TMEM108: variants seen among roughly 807,000 people sequenced by gnomAD.
TMEM108 encodes the protein transmembrane protein 108.
Under a neutral mutation model 35.1 loss-of-function variants are expected in TMEM108, and 12 were observed. The observed-to-expected ratio is 0.34, with a 90% CI of 0.22 to 0.55. The LOEUF is 0.55. Ranked by LOEUF, TMEM108 falls within the 20% of genes least tolerant of loss-of-function variation. TMEM108 has a pLI of 0.89. For missense variants in TMEM108, 680 were observed against 753.3 expected (o/e 0.90, Z 1.14); for synonymous variants, 287 against 308.6 (o/e 0.93, Z 0.73).
chr3:133,116,334 G>A (rs1052052258), intron 2 of TMEM108, among the ~76,000 whole-genome samples: 2 of 152,092 alleles, frequency 1.3e-5, no homozygotes, highest in Admixed American at 6.5e-5. Context: ...GCAAACTGAT[G>A]TCTTATACTT....
At chr3:133,195,458 G>A (rs1181896668) in intron 2 of TMEM108, among the ~76,000 whole-genome samples, 1 of 152,034 alleles carries the variant, frequency 6.6e-6, no homozygotes, top group Non-Finnish European at 1.5e-5. Flanking sequence ...CTTTATGTGG[G>A]TTTCCCTCTA....
chr3:133,355,596 A>T (rs1347710979), intron 3 of TMEM108, among the ~76,000 whole-genome samples: 1 of 152,228 alleles, frequency 6.6e-6, no homozygotes, highest in East Asian at 1.9e-4. Context: ...CATGGAACAA[A>T]TGTCATCATT....
intron 2 of TMEM108, among the ~76,000 whole-genome samples, chr3:133,187,581 C>T (rs975745362): frequency 7.2e-5 from 11 of 152,178 alleles, no homozygotes; most frequent in Non-Finnish European, 1.3e-4. Context: ...AAAACCCTGT[C>T]TCTACTAAAA....
chr3:133,235,079 AC>A (rs2107656246), intron 3 of TMEM108, among the ~76,000 whole-genome samples: 1 of 152,264 alleles, frequency 6.6e-6, no homozygotes, highest in African/African-American at 2.4e-5. Context: ...AGAACTACAA[AC>A]CACTGCTCAA....
At chr3:133,282,913 C>T (rs527434370) in intron 3 of TMEM108, among the ~76,000 whole-genome samples, 12 of 152,256 alleles carry the variant, frequency 7.9e-5, no homozygotes, top group African/African-American at 2.4e-4. Flanking sequence ...TAACATGGAA[C>T]GTTTTCCAAA....
intron 2 of TMEM108, among the ~76,000 whole-genome samples, chr3:133,220,697 A>T (rs891739868): frequency 2.0e-5 from 3 of 152,176 alleles, no homozygotes; most frequent in African/African-American, 7.2e-5. Flanking sequence ...TGAGTATCCT[A>T]TAATTCAATT....
chr3:133,194,213 G>A (rs1945543866), intron 2 of TMEM108, among the ~76,000 whole-genome samples: 1 of 152,116 alleles, frequency 6.6e-6, no homozygotes, highest in Admixed American at 6.5e-5. Flanking sequence ...GGGATTACAG[G>A]CATGATCCAC....
chr3:133,171,313 G>C (rs900697441), intron 2 of TMEM108, among the ~76,000 whole-genome samples: 1 of 152,170 alleles, frequency 6.6e-6, no homozygotes, highest in Non-Finnish European at 1.5e-5. Context: ...TTTATTGCTA[G>C]TATATAATTT....
At chr3:133,356,250 GA>G (rs1282741872) in intron 3 of TMEM108, among the ~76,000 whole-genome samples, 1 of 132,496 alleles carries the variant, frequency 7.5e-6, no homozygotes, top group Non-Finnish European at 1.7e-5. Flanking sequence ...AAAACCCTAG[GA>G]ATATACTTAA....
At chr3:133,306,157 G>A (rs1057431003) in intron 3 of TMEM108, among the ~76,000 whole-genome samples, 1 of 152,020 alleles carries the variant, frequency 6.6e-6, no homozygotes, top group African/African-American at 2.4e-5. Flanking sequence ...TTATGCATTT[G>A]TTCTCATTTT....
In TMEM108 at chr3:133,397,597, A is replaced by G. The variant is rs1271229265; in HGVS notation, c.*1611A>G. 6.6e-6 allele frequency: 1 copy of G among 152,208 alleles called. No homozygotes were observed. The highest frequency in any genetic ancestry group is 1.5e-5 in the Non-Finnish European group (1 of 68,038). 9.4% of individuals were successfully genotyped at this position (152,208 alleles called of 1,614,324 possible). The stretch of plus-strand genomic sequence containing the variant: ...TTCTGTTAACTGTTACATTTAATAT[A>G]CCAATGTGTGTAAGTATACAGAGAA... On this transcript the variant is annotated 3_prime_UTR_variant, in exon 6 of 6. Transcript: ENST00000321871.
chr3:133,370,935 A>G (rs992143338), intron 3 of TMEM108, among the ~76,000 whole-genome samples: 1 of 129,164 alleles, frequency 7.7e-6, no homozygotes, highest in Non-Finnish European at 1.6e-5. Context: ...AGGAAGCTTC[A>G]TGGCCCTCCT....
intron 3 of TMEM108, among the ~76,000 whole-genome samples, chr3:133,375,352 C>G (rs1325557611): frequency 6.6e-6 from 1 of 152,202 alleles, no homozygotes. Context: ...GATTCCACCC[C>G]ACAACAATTG....
At chr3:133,086,506 T>TAAA (rs1943883632) in intron 2 of TMEM108, among the ~76,000 whole-genome samples, 1 of 152,218 alleles carries the variant, frequency 6.6e-6, no homozygotes, top group South Asian at 2.1e-4. Context: ...TTTTTATTGT[T>TAAA]AAGTATAAGA....
At chr3:133,122,029 C>G (rs1222236947) in intron 2 of TMEM108, among the ~76,000 whole-genome samples, 1 of 152,112 alleles carries the variant, frequency 6.6e-6, no homozygotes, top group African/African-American at 2.4e-5. Flanking sequence ...GACACATTTG[C>G]AGCTTTCTGT....
intron 2 of TMEM108, among the ~76,000 whole-genome samples, chr3:133,100,169 T>C (rs2107714486): frequency 6.6e-6 from 1 of 152,312 alleles, no homozygotes; most frequent in African/African-American, 2.4e-5. Context: ...AGGGGAAACC[T>C]CTGATAAACC....
intron 3 of TMEM108, among the ~76,000 whole-genome samples, chr3:133,353,397 T>C (rs1267647459): frequency 6.6e-6 from 1 of 152,190 alleles, no homozygotes; most frequent in Non-Finnish European, 1.5e-5. Context: ...ATACTACTGG[T>C]CTTCCAAAAT....
intron 2 of TMEM108, among the ~76,000 whole-genome samples, chr3:133,070,402 T>A (rs1474308939): frequency 6.6e-6 from 1 of 152,166 alleles, no homozygotes. Flanking sequence ...AGGGCTGTGG[T>A]GTACCTGCTG....
intron 3 of TMEM108, among the ~76,000 whole-genome samples, chr3:133,259,156 G>T (rs1180302436): frequency 1.3e-5 from 2 of 152,186 alleles, no homozygotes; most frequent in Non-Finnish European, 2.9e-5. Flanking sequence ...GTTGTCATCT[G>T]TTTCACTTCG....
Sources: allele counts gnomAD v4.1 joint callset (sites outside exome capture counted in the v4.1 genomes callset), GRCh38; gene constraint gnomAD v4.1.1; transcripts MANE v1.5; gene names NCBI Gene and HGNC (gene_info 2026-07-23, HGNC 2026-07-21).